MAPK9: variants seen among roughly 807,000 people sequenced by gnomAD.
The protein encoded by MAPK9 is Jun kinase.
MAPK9 carries 30 observed loss-of-function variants against 57.1 expected under a neutral mutation model. The ratio of observed to expected loss-of-function variants is 0.53; its 90% CI spans 0.39 to 0.71. MAPK9 has a LOEUF of 0.71. Ranked by LOEUF, MAPK9 falls within the 30% of genes least tolerant of loss-of-function variation. The pLI, the probability that MAPK9 is intolerant of heterozygous loss-of-function variation, is 0.00. For missense variants in MAPK9, 362 were observed against 521.0 expected (o/e 0.69, Z 2.97); for synonymous variants, 155 against 177.0 (o/e 0.88, Z 0.99).
intron 5 of MAPK9, among the ~76,000 whole-genome samples, chr5:180,249,858 G>T (rs1561795118): frequency 6.6e-6 from 1 of 152,160 alleles, no homozygotes; most frequent in Non-Finnish European, 1.5e-5. Flanking sequence ...TTGAAGTCCA[G>T]TATGTATTTT....
intron 7 of MAPK9, among the ~76,000 whole-genome samples, chr5:180,244,796 A>AT (rs1271449249): frequency 7.6e-6 from 1 of 131,676 alleles, no homozygotes; most frequent in Non-Finnish European, 1.7e-5. Flanking sequence ...AAAAAAAAAA[A>AT]GGAAAGAAAA....
At chr5:180,275,570 C>T (rs1302101640) in intron 2 of MAPK9, among the ~76,000 whole-genome samples, 1 of 152,228 alleles carries the variant, frequency 6.6e-6, no homozygotes, top group African/African-American at 2.4e-5. Flanking sequence ...GACAGCCCCA[C>T]ATGCTGAAGC....
intron 5 of MAPK9, among the ~76,000 whole-genome samples, chr5:180,251,192 GC>G (rs2127585263): frequency 6.6e-6 from 1 of 152,272 alleles, no homozygotes; most frequent in African/African-American, 2.4e-5. Context: ...TGTGCAGTGG[GC>G]ACTTTCTCTC....
In MAPK9 at chr5:180,252,523, T is replaced by C. The variant is rs190333676; in HGVS notation, c.451-3385A>G. Reference sequence around the variant, plus strand: ...AGTCTCCTCCACCCACCCCGGGCCCTGCAGGGTGTGATCTTGTTTTTGATT... The same window carrying C: ...AGTCTCCTCCACCCACCCCGGGCCCCGCAGGGTGTGATCTTGTTTTTGATT... On this transcript the variant is annotated intron_variant, in intron 5 of 11. Coordinates refer to ENST00000452135, the MANE Select transcript of MAPK9 (RefSeq NM_002752.5). Among the ~76,000 whole-genome samples, 4 of 152,218 alleles carry C rather than the reference T, an allele frequency of 2.6e-5. No homozygotes were observed. The East Asian group carries it at 7.8e-4, about 29-fold the overall frequency.
intron 1 of MAPK9, among the ~76,000 whole-genome samples, chr5:180,282,356 C>G (rs946602188): frequency 2.0e-5 from 3 of 152,178 alleles, no homozygotes; most frequent in African/African-American, 7.2e-5. Context: ...CAGCTAGCAA[C>G]CAGTCTTGAA....
intron 4 of MAPK9, among the ~76,000 whole-genome samples, chr5:180,262,777 T>C (rs1420087450): frequency 6.6e-6 from 1 of 152,120 alleles, no homozygotes; most frequent in Non-Finnish European, 1.5e-5. Flanking sequence ...ATCAGGTTTG[T>C]GCAGCCACCA....
chr5:180,264,156 C>A (rs1246948386), intron 4 of MAPK9, among the ~76,000 whole-genome samples: 1 of 152,174 alleles, frequency 6.6e-6, no homozygotes, highest in African/African-American at 2.4e-5. Context: ...GTCCACAGCA[C>A]CTAGCACATT....
At chr5:180,291,548 G>A (rs1032608824) in intron 1 of MAPK9, among the ~76,000 whole-genome samples, 14 of 152,254 alleles carry the variant, frequency 9.2e-5, no homozygotes, top group East Asian at 7.8e-4. Flanking sequence ...GGGCCCCTGG[G>A]CACCCGGCGC....
intron 2 of MAPK9, 30 bp downstream of exon 2, chr5:180,280,410 A>G: frequency 6.3e-7 from 1 of 1,597,950 alleles, no homozygotes; most frequent in Non-Finnish European, 8.5e-7. Flanking sequence ...CAAAAACTCA[A>G]TCCACGCTAT....
chr5:180,268,083 T>C (rs138597297), intron 3 of MAPK9, among the ~76,000 whole-genome samples: 1,606 of 152,136 alleles, frequency 0.011, 43 homozygotes, highest in South Asian at 0.058. Flanking sequence ...CTCGGCCTCC[T>C]AAAGTGCTGG....
chr5:180,252,856 C>T (rs1370996483), intron 5 of MAPK9, among the ~76,000 whole-genome samples: 1 of 150,374 alleles, frequency 6.7e-6, no homozygotes, highest in Non-Finnish European at 1.5e-5. Context: ...AGCAGAGAGA[C>T]CACAGTGACA....
chr5:180,258,549 A>G (rs1759545449), intron 5 of MAPK9, among the ~76,000 whole-genome samples: 1 of 152,216 alleles, frequency 6.6e-6, no homozygotes, highest in Admixed American at 6.5e-5. Context: ...CACATATTGG[A>G]GAGAAATCCT....
chr5:180,259,597 A>G (rs1367874122), intron 5 of MAPK9, among the ~76,000 whole-genome samples: 3 of 152,066 alleles, frequency 2.0e-5, no homozygotes, highest in African/African-American at 7.2e-5. Context: ...TGTAAACATG[A>G]AAAATTTCAC....
At chr5:180,254,961 G>C (rs1017162258) in intron 5 of MAPK9, among the ~76,000 whole-genome samples, 1 of 152,142 alleles carries the variant, frequency 6.6e-6, no homozygotes, top group Non-Finnish European at 1.5e-5. Flanking sequence ...GTGAACCCGA[G>C]AGGCAGAGTT....
At chr5:180,245,409 T>C (rs1042051981) in intron 7 of MAPK9, among the ~76,000 whole-genome samples, 3 of 152,170 alleles carry the variant, frequency 2.0e-5, no homozygotes, top group Admixed American at 6.5e-5. Context: ...AGGAGCCTCT[T>C]TGCATCTCAG....
intron 4 of MAPK9, among the ~76,000 whole-genome samples, chr5:180,263,402 C>T (rs1259260152): frequency 6.6e-6 from 1 of 152,156 alleles, no homozygotes. Flanking sequence ...GTTCCATGCC[C>T]CCACCCCTTA....
chr5:180,288,276 C>G (rs1762944731), intron 1 of MAPK9, among the ~76,000 whole-genome samples: 2 of 152,166 alleles, frequency 1.3e-5, no homozygotes, highest in South Asian at 2.1e-4. Context: ...AACTCGATTG[C>G]TTCAACAAAT....
intron 5 of MAPK9, among the ~76,000 whole-genome samples, chr5:180,251,534 G>A (rs1417942729): frequency 2.6e-5 from 4 of 152,186 alleles, no homozygotes; most frequent in African/African-American, 9.7e-5. Flanking sequence ...TGGGTGCTCT[G>A]TGTGGCCAAT....
At chr5:180,249,651 T>C (rs34291611) in intron 5 of MAPK9, among the ~76,000 whole-genome samples, 6,174 of 152,332 alleles carry the variant, frequency 0.041, 150 homozygotes, top group Non-Finnish European at 0.064. Context: ...ACAGACAATG[T>C]CATATAATGC....
Sources: gnomAD v4.1 joint callset for allele counts (sites outside exome capture counted in the v4.1 genomes callset) on GRCh38, gnomAD v4.1.1 for gene constraint, MANE v1.5 for transcripts, NCBI Gene and HGNC (gene_info 2026-07-23, HGNC 2026-07-21) for gene names.